The following RGS7 variants were observed in gnomAD, a reference collection of about 807,000 sequenced individuals.
The protein encoded by RGS7 is regulator of G-protein signaling 7.
RGS7 carries 27 observed loss-of-function variants against 81.1 expected under a neutral mutation model. That is an observed-to-expected ratio of 0.33 (90% confidence interval 0.25 to 0.46). RGS7 has a LOEUF of 0.46. Ranked by LOEUF, RGS7 falls within the 20% of genes least tolerant of loss-of-function variation. RGS7 has a pLI of 1.00. For synonymous variants in RGS7, 208 were observed against 207.7 expected, an observed-to-expected ratio of 1.00 and a Z score of -0.01; for missense variants, 396 against 607.4, an observed-to-expected ratio of 0.65 and a Z score of 3.66.
intron 2 of RGS7, among the ~76,000 whole-genome samples, chr1:241,346,297 C>G (rs546217588): frequency 6.9e-5 from 1 of 14,454 alleles, no homozygotes; most frequent in Non-Finnish European, 6.9e-3. Context: ...TCTGTGTTTG[C>G]CATGGTAAAT....
intron 3 of RGS7, among the ~76,000 whole-genome samples, chr1:241,041,039 G>C (rs1015665537): frequency 6.6e-6 from 1 of 152,004 alleles, no homozygotes; most frequent in Non-Finnish European, 1.5e-5. Flanking sequence ...ATTGTGCTAA[G>C]GTTCATGAAT....
chr1:241,019,805 C>T (rs532854327), intron 3 of RGS7, among the ~76,000 whole-genome samples: 15 of 152,264 alleles, frequency 9.9e-5, no homozygotes, highest in Admixed American at 9.8e-4. Flanking sequence ...GTGAATAGTG[C>T]CACAATAAAC....
chr1:241,135,155 G>C (rs370027462), intron 2 of RGS7, among the ~76,000 whole-genome samples: 1 of 152,132 alleles, frequency 6.6e-6, no homozygotes, highest in African/African-American at 2.4e-5. Context: ...GGCCGGGCGC[G>C]GTGGCTCATG....
At chr1:241,245,394 C>A (rs77037887) in intron 2 of RGS7, among the ~76,000 whole-genome samples, 15,724 of 151,966 alleles carry the variant, frequency 0.1, 1,064 homozygotes, top group East Asian at 0.3. Context: ...ACTTCCCCTT[C>A]GCCTTCCACC....
intron 6 of RGS7, among the ~76,000 whole-genome samples, chr1:240,918,152 C>T (rs1672901842): frequency 6.6e-6 from 1 of 152,102 alleles, no homozygotes; most frequent in African/African-American, 2.4e-5. Flanking sequence ...CAATTACTAT[C>T]ACTGGAGGCT....
intron 14 of RGS7, among the ~76,000 whole-genome samples, chr1:240,810,094 C>G (rs763643887): frequency 6.6e-6 from 1 of 152,126 alleles, no homozygotes; most frequent in Non-Finnish European, 1.5e-5. Flanking sequence ...TTATCTCCTC[C>G]CCATTGTCCA....
intron 2 of RGS7, among the ~76,000 whole-genome samples, chr1:241,239,304 T>C (rs1443646954): frequency 6.6e-6 from 1 of 152,108 alleles, no homozygotes; most frequent in East Asian, 1.9e-4. Flanking sequence ...TTGCCATGCA[T>C]TGGTTCCCTG....
intron 2 of RGS7, among the ~76,000 whole-genome samples, chr1:241,237,969 T>C (rs1010059116): frequency 5.9e-5 from 9 of 152,180 alleles, no homozygotes; most frequent in Non-Finnish European, 1.0e-4. Flanking sequence ...TCTCTCAGCG[T>C]GAGTCTAAAA....
intron 2 of RGS7, among the ~76,000 whole-genome samples, chr1:241,327,125 AGAAAGAAAGAAAGAAAGAAAG>A (rs2081622464): frequency 6.2e-5 from 7 of 112,884 alleles, no homozygotes; most frequent in East Asian, 4.9e-4. Flanking sequence ...AAAGAAAGAA[AGAAAGAAAGAAAGAAAGAAAG>A]GAAAGAAAGA....
intron 2 of RGS7, among the ~76,000 whole-genome samples, chr1:241,329,550 T>G (rs1458770135): frequency 6.6e-6 from 1 of 152,178 alleles, no homozygotes; most frequent in East Asian, 1.9e-4. Flanking sequence ...CTTCTTGTGA[T>G]AATGCAATGA....
At chr1:240,995,962 C>G (rs1341794450) in intron 3 of RGS7, among the ~76,000 whole-genome samples, 1 of 151,702 alleles carries the variant, frequency 6.6e-6, no homozygotes, top group African/African-American at 2.4e-5. Flanking sequence ...AAATATTTCT[C>G]TCAGCCCTGC....
chr1:241,215,794 G>C (rs986619748), intron 2 of RGS7, among the ~76,000 whole-genome samples: 5 of 152,146 alleles, frequency 3.3e-5, no homozygotes, highest in African/African-American at 1.2e-4. Context: ...TCATTAACTT[G>C]AAAATTCTCT....
At chr1:240,889,303 T>C (rs1667894066) in intron 6 of RGS7, among the ~76,000 whole-genome samples, 1 of 152,038 alleles carries the variant, frequency 6.6e-6, no homozygotes, top group African/African-American at 2.4e-5. Context: ...GGGAATCAAC[T>C]CCAGGAATAT....
At chr1:241,245,617 A>T (rs1305477440) in intron 2 of RGS7, among the ~76,000 whole-genome samples, 1 of 143,200 alleles carries the variant, frequency 7.0e-6, no homozygotes, top group Non-Finnish European at 1.5e-5. Context: ...GACCAGCCTG[A>T]CCAACATGGT....
At chr1:240,971,658 G>A (rs543911263) in intron 4 of RGS7, among the ~76,000 whole-genome samples, 48 of 152,168 alleles carry the variant, frequency 3.2e-4, no homozygotes, top group Non-Finnish European at 6.2e-4. Context: ...CTATTATCTT[G>A]AAACTAGGTC....
intron 2 of RGS7, among the ~76,000 whole-genome samples, chr1:241,344,628 G>T (rs374031775): frequency 3.9e-5 from 6 of 152,266 alleles, no homozygotes; most frequent in African/African-American, 1.4e-4. Context: ...GAATTACGAG[G>T]GTATTTTTTT....
chr1:241,194,784 C>A (rs1403200798), intron 2 of RGS7, among the ~76,000 whole-genome samples: 1 of 152,086 alleles, frequency 6.6e-6, no homozygotes, highest in Non-Finnish European at 1.5e-5. Flanking sequence ...CAGAGGCAAG[C>A]CAAGAGATGT....
chr1:241,144,964 T>TGTG lies in RGS7; in HGVS notation c.79-46203_79-46202insCAC, dbSNP rs1479399427. The stretch of plus-strand genomic sequence containing the variant: ...GTGTGTGTGTGTGTGTGTGTGTGTG[T>TGTG]TCGTGTTCATTCTTCCTGTTCCTGT... On this transcript the variant is annotated intron_variant, in intron 2 of 18. Coordinates refer to ENST00000440928, the MANE Select transcript of RGS7 (RefSeq NM_001364886.1). This position sits in a 1 kb window ranked among gnomAD's most constrained non-coding sequence, Gnocchi z 4.7. Among the ~76,000 whole-genome samples the TGTG allele has an allele frequency of 9.0e-5, 13 of 144,506 alleles. No individual in the cohort carries two copies. The East Asian group carries it at 1.5e-3, about 17-fold the overall frequency. 94.8% of individuals were successfully genotyped at this position (144,506 alleles called of 152,430 possible).
intron 4 of RGS7, among the ~76,000 whole-genome samples, chr1:240,982,286 G>A (rs190332843): frequency 1.3e-5 from 2 of 152,054 alleles, no homozygotes; most frequent in Admixed American, 1.3e-4. Flanking sequence ...GCCTGATGTG[G>A]TGGCACGCGC....
Sources: gnomAD v4.1 joint callset for allele counts (sites outside exome capture counted in the v4.1 genomes callset) on GRCh38, gnomAD v4.1.1 for gene constraint, Gnocchi (gnomAD v3.1) non-coding constraint, MANE v1.5 for transcripts, NCBI Gene and HGNC (gene_info 2026-07-23, HGNC 2026-07-21) for gene names.